MED14: variants seen among roughly 807,000 people sequenced by gnomAD.
The protein encoded by MED14 is mediator of RNA polymerase II transcription subunit 14.
In MED14, 8 loss-of-function variants were observed where a neutral mutation model predicts 109.0. That is an observed-to-expected ratio of 0.07 (90% confidence interval 0.04 to 0.13). The LOEUF is 0.13. Ranked by LOEUF, MED14 falls within the 10% of genes least tolerant of loss-of-function variation. The pLI is 1.00. For missense variants in MED14, 711 were observed against 1,142.4 expected (o/e 0.62, Z 5.44); for synonymous variants, 399 against 408.7 (o/e 0.98, Z 0.29).
chrX:40,708,778 ATTCC>A lies in MED14; in HGVS notation c.1285+566_1285+569del, dbSNP rs1931236461. Among the ~76,000 whole-genome samples the A allele has an allele frequency of 3.6e-5, 4 of 111,958 alleles. No homozygotes were observed. The Admixed American group carries it at 3.8e-4, about 11-fold the overall frequency. On this transcript the variant is annotated intron_variant, in intron 10 of 30. Coordinates refer to ENST00000324817, the MANE Select transcript of MED14 (RefSeq NM_004229.4). ...TTTTTCACTATGTCCATGTATCTGC[ATTCC>A]TTATTTGAACTGTTAATAATTTTTA...
chrX:40,715,678 C>T (rs1391105958), intron 3 of MED14, among the ~76,000 whole-genome samples: 4 of 105,881 alleles, frequency 3.8e-5, no homozygotes, highest in Admixed American at 1.0e-4. Flanking sequence ...CCCAGCTACT[C>T]GGGAGGCTGA....
At chrX:40,662,051 C>T (rs754351933) in intron 26 of MED14, among the ~76,000 whole-genome samples, 5 of 108,239 alleles carry the variant, frequency 4.6e-5, no homozygotes, top group Non-Finnish European at 9.6e-5. Context: ...TTTTAGTAGA[C>T]GACGGGGTTT....
intron 21 of MED14, among the ~76,000 whole-genome samples, chrX:40,679,284 A>G (rs1383018115): frequency 1.8e-5 from 2 of 111,761 alleles, no homozygotes; most frequent in Non-Finnish European, 3.8e-5. Flanking sequence ...AGGCAGGTGG[A>G]TCACCTGAGG....
At chrX:40,697,582 G>A (rs938769900) in intron 12 of MED14, among the ~76,000 whole-genome samples, 1 of 112,124 alleles carries the variant, frequency 8.9e-6, no homozygotes, top group Non-Finnish European at 1.9e-5. Flanking sequence ...GCGGGTCCCA[G>A]TAGTATTAAC....
chrX:40,656,310 G>A (rs931247381), intron 28 of MED14, among the ~76,000 whole-genome samples: 19 of 111,287 alleles, frequency 1.7e-4, no homozygotes, highest in Non-Finnish European at 3.8e-5. Context: ...TGAAAAACGC[G>A]GAAAAAATAT....
chrX:40,725,163 A>G, intron 3 of MED14, among the ~76,000 whole-genome samples: 1 of 112,018 alleles, frequency 8.9e-6, no homozygotes. Context: ...GAATGGAGCT[A>G]TAATTCATTA....
chrX:40,661,209 G>A (rs185094292), intron 26 of MED14, among the ~76,000 whole-genome samples: 31 of 112,920 alleles, frequency 2.7e-4, no homozygotes, highest in Admixed American at 2.8e-4. Flanking sequence ...AGCCACCTAA[G>A]TAGCTGGGAT....
intron 16 of MED14, among the ~76,000 whole-genome samples, chrX:40,686,581 C>T (rs1455008882): frequency 9.0e-6 from 1 of 111,280 alleles, no homozygotes; most frequent in African/African-American, 3.3e-5. Context: ...TATTCTAGTT[C>T]AATTCTGTAG....
At chrX:40,670,703 G>C (rs1929692513) in intron 23 of MED14, among the ~76,000 whole-genome samples, 1 of 109,654 alleles carries the variant, frequency 9.1e-6, no homozygotes, top group African/African-American at 3.3e-5. Flanking sequence ...GGAGCTTGCA[G>C]TGAGCCGAGA....
intron 13 of MED14, among the ~76,000 whole-genome samples, chrX:40,695,514 T>C (rs1303859933): frequency 8.9e-6 from 1 of 112,327 alleles, no homozygotes; most frequent in Non-Finnish European, 1.9e-5. Context: ...AATTATTGCT[T>C]TATAATAGAT....
intron 23 of MED14, among the ~76,000 whole-genome samples, chrX:40,668,383 C>CAAAAAAAAAAAAAAAAAAAAAAA (rs779386609): frequency 2.3e-5 from 1 of 43,331 alleles, no homozygotes; most frequent in Non-Finnish European, 3.8e-5. Context: ...ACTCTGTCTC[C>CAAAAAAAAAAAAAAAAAAAAAAA]AAAAAAAAAA....
intron 12 of MED14, among the ~76,000 whole-genome samples, chrX:40,698,032 C>T (rs1432584527): frequency 8.0e-5 from 9 of 111,861 alleles, no homozygotes; most frequent in Non-Finnish European, 1.5e-4. Context: ...TACAACTCTA[C>T]GGATCAAATG....
intron 21 of MED14, among the ~76,000 whole-genome samples, chrX:40,677,186 CG>C (rs1327140582): frequency 8.9e-6 from 1 of 111,912 alleles, no homozygotes; most frequent in East Asian, 2.8e-4. Flanking sequence ...TGAGAATACT[CG>C]TTTTTTCATT....
At chrX:40,710,403 A>G (rs910679912) in intron 8 of MED14, among the ~76,000 whole-genome samples, 1 of 112,298 alleles carries the variant, frequency 8.9e-6, no homozygotes, top group African/African-American at 3.2e-5. Context: ...TCTAAGTAGT[A>G]TCTACTCACC....
At chrX:40,724,726 T>A (rs1321330406) in intron 3 of MED14, among the ~76,000 whole-genome samples, 1 of 110,862 alleles carries the variant, frequency 9.0e-6, no homozygotes, top group Non-Finnish European at 1.9e-5. Context: ...GAAGAAAAAC[T>A]TCAAATAAAT....
rs745517123 is a variant in MED14 at position 40,709,306 on chromosome X, T to C, written c.1285+42A>G. ...CTCATCAAATAAAACTGGATTCTAG[T>C]TTAAACAAAAGAAAAACAAATGTCA... On this transcript the variant is annotated intron_variant, in intron 10 of 30. Coordinates refer to ENST00000324817, the MANE Select transcript of MED14 (RefSeq NM_004229.4). 8.8e-6 allele frequency: 6 copies of C among 685,591 alleles called. No individual in the cohort carries two copies. The South Asian group carries it at 1.7e-4, about 20-fold the overall frequency. 56.5% of individuals were successfully genotyped at this position (685,591 alleles called of 1,213,427 possible).
Position 40,659,311 on chromosome X carries a change from A to C in MED14, c.3888T>G (p.Ala1296=), listed in dbSNP as rs1929182350. The C allele has an allele frequency of 8.6e-7, 1 of 1,168,712 alleles. No homozygotes were observed. Among genetic ancestry groups the C allele is most frequent in the African/African-American group, 1.8e-5 (1 of 56,016 alleles). ...ETRVAGPPFK[A]NTLIAFTKLL... is the part of the protein sequence containing the mutation. ...GCTTGGTGAAGGCTATTAACGTATTAGCTTTAAATGGTGGTCCTGCAACCT... is the reference window on the plus strand; with the variant it reads ...GCTTGGTGAAGGCTATTAACGTATTCGCTTTAAATGGTGGTCCTGCAACCT... Residue 1296 remains alanine, a synonymous_variant, in exon 28 of 31, where the codon GCT becomes GCG. Transcript: ENST00000324817.
chrX:40,703,509 G>A lies in MED14; in HGVS notation c.1346C>T (p.Ser449Leu). Reference protein sequence around the residue: ...VVPILEPCGNSECLHIFVDLH... With the variant: ...VVPILEPCGNLECLHIFVDLH... ...ATCTACAAAAATGTGCAGACACTCT[G>A]AATTACCACAGGGCTCCAAGATGGG... Residue 449 changes from serine (S) to leucine (L), a missense_variant, in exon 11 of 31, where the codon TCA becomes TTA. Physicochemically the swap from Ser to Leu is moderately radical, Grantham distance 145. Transcript: ENST00000324817. 1 of 1,191,371 alleles carries A rather than the reference G, an allele frequency of 8.4e-7. No individual in the cohort carries two copies. The highest frequency in any genetic ancestry group is 1.1e-6 in the Non-Finnish European group (1 of 878,030).
At chrX:40,677,594 G>A (rs1319758610) in intron 21 of MED14, among the ~76,000 whole-genome samples, 8 of 110,735 alleles carry the variant, frequency 7.2e-5, no homozygotes, top group Non-Finnish European at 1.5e-4. Flanking sequence ...TTTAAAGAAT[G>A]GCCAAAATAA....
Sources: allele counts gnomAD v4.1 joint callset (sites outside exome capture counted in the v4.1 genomes callset), GRCh38; gene constraint gnomAD v4.1.1; transcripts MANE v1.5; gene names NCBI Gene and HGNC (gene_info 2026-07-23, HGNC 2026-07-21).